Variants in PRRC1 observed in about 807,000 individuals in gnomAD.
PRRC1 encodes proline rich coiled-coil 1.
Under a neutral mutation model 40.7 loss-of-function variants are expected in PRRC1, and 39 were observed. The observed-to-expected ratio is 0.96, with a 90% CI of 0.74 to 1.25. The LOEUF (loss-of-function observed/expected upper bound fraction) is 1.25. Among genes scored for constraint, PRRC1 ranks in the 50% most tolerant of loss-of-function variants. The pLI, the probability that PRRC1 is intolerant of heterozygous loss-of-function variation, is 0.00. For synonymous variants in PRRC1, 175 were observed against 193.3 expected (o/e 0.91, Z 0.79); for missense variants, 573 against 548.3 (o/e 1.05, Z -0.45).
At chr5:127,533,097 T>C (rs1372008746) in intron 5 of PRRC1, among the ~76,000 whole-genome samples, 1 of 152,184 alleles carries the variant, frequency 6.6e-6, no homozygotes, top group African/African-American at 2.4e-5. Context: ...CATATATGCT[T>C]GCATATTTAT....
chr5:127,534,806 T>C (rs1580939154), intron 6 of PRRC1, among the ~76,000 whole-genome samples: 1 of 152,242 alleles, frequency 6.6e-6, no homozygotes, highest in African/African-American at 2.4e-5. Context: ...TTGACAAGTT[T>C]ACTTGAATAT....
At chr5:127,536,307 A>T (rs1009233913) in intron 6 of PRRC1, among the ~76,000 whole-genome samples, 1 of 150,080 alleles carries the variant, frequency 6.7e-6, no homozygotes, top group African/African-American at 2.5e-5. Flanking sequence ...GAAAAAAAAA[A>T]TACAGCAAAT....
chr5:127,551,487 C>T lies in PRRC1; in HGVS notation c.1129-220C>T, dbSNP rs3756723. On this transcript the variant is annotated intron_variant, in intron 8 of 8. Coordinates refer to ENST00000296666, the MANE Select transcript of PRRC1 (RefSeq NM_130809.5). ...ACTCAAACCTTCCGACTGTTAGCCT[C>T]GTTAATGGGGATATTTTTTAAAAAA... 2,993 of 516,504 alleles carry T rather than the reference C, an allele frequency of 5.8e-3. 56 individuals carry two copies. Among genetic ancestry groups the T allele is most frequent in the East Asian group, 0.038 (1,134 of 29,700 alleles). 32.0% of individuals were successfully genotyped at this position (516,504 alleles called of 1,614,324 possible).
chr5:127,528,499 T>C (rs897344099), intron 4 of PRRC1, among the ~76,000 whole-genome samples: 1 of 152,066 alleles, frequency 6.6e-6, no homozygotes, highest in African/African-American at 2.4e-5. Flanking sequence ...GTATTTTTAG[T>C]AGAGACGGGG....
chr5:127,521,237 A>C (rs1767450198), intron 1 of PRRC1, among the ~76,000 whole-genome samples: 1 of 152,140 alleles, frequency 6.6e-6, no homozygotes, highest in Admixed American at 6.5e-5. Flanking sequence ...GCCTCTATCA[A>C]CTGCTCTGAC....
Position 127,524,676 on chromosome 5 carries a change from CCCA to C in PRRC1, c.254_256del (p.Pro85del). 1.2e-6 allele frequency: 2 copies of C among 1,614,180 alleles called. No individual in the cohort carries two copies. Among genetic ancestry groups the C allele is most frequent in the Non-Finnish European group, 1.7e-6 (2 of 1,180,022 alleles). On this transcript the variant is annotated inframe_deletion, in exon 3 of 9. Transcript: ENST00000296666. ...TGCCTCCTCCTGCAGTTCCTTCTGT[CCCA>C]CCACTTGTTACTTCTATGCCACCTC...
chr5:127,530,504 G>A, intron 5 of PRRC1, 108 bp downstream of exon 5: 1 of 555,942 alleles, frequency 1.8e-6, no homozygotes, highest in Non-Finnish European at 3.0e-6. Context: ...TGTAATCAGT[G>A]GAAATTCTTA....
rs932523164 is a variant in PRRC1, at chr5:127,553,325, A to C, written c.*1409A>C. On this transcript the variant is annotated 3_prime_UTR_variant, in exon 9 of 9. Coordinates refer to ENST00000296666, the MANE Select transcript of PRRC1 (RefSeq NM_130809.5). Reference sequence around the variant, plus strand: ...TGAGGATAAGAAGAATGAATATTAAATTTGAATATTAAATATATGTTACTT... The same window carrying C: ...TGAGGATAAGAAGAATGAATATTAACTTTGAATATTAAATATATGTTACTT... 6.1e-5 allele frequency: 60 copies of C among 983,908 alleles called. No individual in the cohort carries two copies. Among genetic ancestry groups the C allele is most frequent in the Non-Finnish European group, 6.5e-5 (54 of 828,542 alleles). The allele number at this position is 983,908 out of a possible 1,614,324, so 60.9% of individuals were successfully genotyped here. A position where few individuals can be genotyped will look rare whatever the true frequency, so the allele number is the denominator to read the frequency against.
rs1482551806 is a variant in PRRC1 at position 127,552,906 on chromosome 5, G to T, written c.*990G>T. Reference sequence around the variant, plus strand: ...TGCCATTTGGTCTTTACTTTTTATGGATGTTTTCAAAGAAACTATTTTATA... The same window carrying T: ...TGCCATTTGGTCTTTACTTTTTATGTATGTTTTCAAAGAAACTATTTTATA... On this transcript the variant is annotated 3_prime_UTR_variant, in exon 9 of 9. Transcript: ENST00000296666. 1.8e-5 allele frequency: 17 copies of T among 944,620 alleles called. No homozygotes were observed. The highest frequency in any genetic ancestry group is 3.6e-5 in the African/African-American group (2 of 56,238). 58.5% of individuals were successfully genotyped at this position (944,620 alleles called of 1,614,324 possible).
intron 8 of PRRC1, chr5:127,548,953 C>G (rs77953460): frequency 6.2e-4 from 94 of 152,194 alleles, no homozygotes; most frequent in African/African-American, 2.2e-3. Context: ...TAAGTGAATA[C>G]TATGCATACT....
chr5:127,552,859 A>T lies in PRRC1; in HGVS notation c.*943A>T. 1.0e-6 allele frequency: 1 copy of T among 982,388 alleles called. No homozygotes were observed. 60.9% of individuals were successfully genotyped at this position (982,388 alleles called of 1,614,324 possible). A position where few individuals can be genotyped will look rare whatever the true frequency, so the allele number is the denominator to read the frequency against. ...TAAGGTTACTTATTTGGTTTGCCTT[A>T]AGCATTACTTTTTTAACTTTGTGCC... On this transcript the variant is annotated 3_prime_UTR_variant, in exon 9 of 9. Coordinates refer to ENST00000296666, the MANE Select transcript of PRRC1 (RefSeq NM_130809.5).
Position 127,524,750 on chromosome 5 carries a change from C to T in PRRC1, c.323C>T (p.Ser108Phe). Residue 108 changes from serine (S) to phenylalanine (F), a missense_variant, in exon 3 of 9, where the codon TCT (serine) becomes TTT (phenylalanine). Coordinates refer to ENST00000296666, the MANE Select transcript of PRRC1 (RefSeq NM_130809.5). ...TAAAFGNPPVSHFPPSTSAPN... is the reference protein window; with the variant it reads ...TAAAFGNPPVFHFPPSTSAPN... ...GCTGCCTTCGGTAATCCTCCTGTAT[C>T]TCACTTCCCACCTTCAACTTCTGCC... is the stretch of plus-strand genomic sequence containing the variant. 6.2e-7 allele frequency: 1 copy of T among 1,614,192 alleles called. No homozygotes were observed. The highest frequency in any genetic ancestry group is 8.5e-7 in the Non-Finnish European group (1 of 1,180,034).
intron 6 of PRRC1, among the ~76,000 whole-genome samples, chr5:127,536,397 C>G (rs1259766779): frequency 6.6e-6 from 1 of 151,878 alleles, no homozygotes; most frequent in Non-Finnish European, 1.5e-5. Flanking sequence ...AGCATTCATA[C>G]GGGCGATTTT....
intron 6 of PRRC1, 102 bp from the exon 7 acceptor site, chr5:127,538,934 ATATG>A (rs1767966010): frequency 3.1e-5 from 22 of 718,298 alleles, no homozygotes; most frequent in Non-Finnish European, 1.4e-5. Flanking sequence ...GTGAGTATAT[ATATG>A]TGTTTGCATA....
intron 7 of PRRC1, among the ~76,000 whole-genome samples, chr5:127,542,351 T>A (rs1034638390): frequency 6.6e-6 from 1 of 152,034 alleles, no homozygotes; most frequent in Non-Finnish European, 1.5e-5. Context: ...GTATATTCTG[T>A]TGATTTGGGG....
chr5:127,533,538 T>G, intron 5 of PRRC1, 85 bp from the exon 6 acceptor site: 1 of 1,074,684 alleles, frequency 9.3e-7, no homozygotes, highest in Middle Eastern at 2.8e-4. Context: ...ATTATGTATA[T>G]TAGATGTTAG....
chr5:127,543,235 G>C (rs960164518), intron 7 of PRRC1, among the ~76,000 whole-genome samples: 2 of 152,188 alleles, frequency 1.3e-5, no homozygotes, highest in African/African-American at 4.8e-5. Flanking sequence ...TTTCTGCCGA[G>C]AGATCTGCTG....
At chr5:127,544,125 T>C (rs1206160970) in intron 7 of PRRC1, among the ~76,000 whole-genome samples, 2 of 152,212 alleles carry the variant, frequency 1.3e-5, no homozygotes, top group African/African-American at 4.8e-5. Context: ...TGTTGGAGTT[T>C]GCTAGAGGTC....
At chr5:127,548,087 T>C (rs1207589505) in intron 8 of PRRC1, 166 bp downstream of exon 8, 1 of 682,984 alleles carries the variant, frequency 1.5e-6, no homozygotes. Flanking sequence ...GATCCTTCCA[T>C]GTTGTTTTAG....
Sources: gnomAD v4.1 joint callset for allele counts (sites outside exome capture counted in the v4.1 genomes callset) on GRCh38, gnomAD v4.1.1 for gene constraint, MANE v1.5 for transcripts, NCBI Gene and HGNC (gene_info 2026-07-23, HGNC 2026-07-21) for gene names.